SENP6: variants seen among roughly 807,000 people sequenced by gnomAD.
SENP6 encodes the protein sentrin-specific protease 6.
In SENP6, 41 loss-of-function variants were observed where a neutral mutation model predicts 134.5. The observed-to-expected ratio is 0.30, with a 90% CI of 0.24 to 0.40. SENP6 has a LOEUF of 0.40. Ranked by LOEUF, SENP6 falls within the 10% of genes least tolerant of loss-of-function variation. The pLI is 1.00. For missense variants in SENP6, 1,248 were observed against 1,312.5 expected (o/e 0.95, Z 0.76); for synonymous variants, 395 against 429.8 (o/e 0.92, Z 1.00).
chr6:75,683,741 G>A (rs112073015), intron 16 of SENP6, among the ~76,000 whole-genome samples: 2,405 of 152,194 alleles, frequency 0.016, 63 homozygotes, highest in African/African-American at 0.056. Flanking sequence ...CCTCTTTTCT[G>A]TTCCATTGGT....
chr6:75,604,194 G>A (rs1195240607), intron 1 of SENP6, among the ~76,000 whole-genome samples: 2 of 152,230 alleles, frequency 1.3e-5, no homozygotes, highest in Non-Finnish European at 2.9e-5. Flanking sequence ...CACAGATGTA[G>A]AGTTAATGTG....
At chr6:75,692,156 T>C (rs1774323351) in intron 16 of SENP6, among the ~76,000 whole-genome samples, 1 of 151,990 alleles carries the variant, frequency 6.6e-6, no homozygotes. Flanking sequence ...GCGCCTGGCC[T>C]CCCATAAGTT....
chr6:75,655,507 C>G (rs1771249716), intron 7 of SENP6, among the ~76,000 whole-genome samples: 1 of 152,118 alleles, frequency 6.6e-6, no homozygotes, highest in Non-Finnish European at 1.5e-5. Flanking sequence ...TTTTTCCTAG[C>G]ATAGATTAAT....
intron 3 of SENP6, among the ~76,000 whole-genome samples, chr6:75,628,834 C>T (rs1768896835): frequency 6.6e-6 from 1 of 152,164 alleles, no homozygotes; most frequent in African/African-American, 2.4e-5. Context: ...ATCCTACCGC[C>T]TCAGCCTCCC....
intron 21 of SENP6, among the ~76,000 whole-genome samples, chr6:75,712,500 G>A (rs1004304167): frequency 1.3e-5 from 2 of 151,924 alleles, no homozygotes; most frequent in Non-Finnish European, 2.9e-5. Context: ...AACACAGTGA[G>A]ACGCCATCTC....
At position 75,670,713 on chromosome 6, in the gene SENP6, C is replaced by A; in HGVS notation, c.1385C>A (p.Pro462His). The change falls in exon 11 of 24, where the codon CCT (proline) becomes CAT (histidine). Residue 462 changes from proline to histidine, a missense_variant. Pro to His is a moderately conservative substitution (Grantham distance 77). Around this residue, in one of 3 missense-constraint regions of SENP6, gnomAD observed 733 missense variants for 725.4 expected, o/e 1.01. Transcript: ENST00000447266. Reference sequence around the variant, plus strand: ...ACACTCTTCCGGCTGTTAATAGAGCCTGTAATTGTAAGTACATCTTAAGCT... The same window carrying A: ...ACACTCTTCCGGCTGTTAATAGAGCATGTAATTGTAAGTACATCTTAAGCT... ...VGTLFRLLIE[P>H]VIFCLDFIKI... 6.2e-7 allele frequency: 1 copy of A among 1,602,124 alleles called. No homozygotes were observed. The highest frequency in any genetic ancestry group is 8.5e-7 in the Non-Finnish European group (1 of 1,172,646).
intron 10 of SENP6, among the ~76,000 whole-genome samples, chr6:75,668,573 CT>C (rs1772428764): frequency 6.6e-6 from 1 of 152,124 alleles, no homozygotes; most frequent in Non-Finnish European, 1.5e-5. Context: ...AAATTTAAAA[CT>C]ATGATATTGT....
At chr6:75,614,173 T>C (rs1218838573) in intron 1 of SENP6, among the ~76,000 whole-genome samples, 3 of 152,202 alleles carry the variant, frequency 2.0e-5, no homozygotes, top group African/African-American at 7.2e-5. Flanking sequence ...GGGACCATGA[T>C]GTCAATTTGT....
chr6:75,706,850 A>G (rs1775434133), intron 19 of SENP6, among the ~76,000 whole-genome samples: 2 of 152,240 alleles, frequency 1.3e-5, no homozygotes, highest in Non-Finnish European at 2.9e-5. Context: ...GGAAATAACA[A>G]TGTGTGGAAT....
chr6:75,706,199 T>TGGGA (rs1775398690), intron 19 of SENP6, among the ~76,000 whole-genome samples: 1 of 151,530 alleles, frequency 6.6e-6, no homozygotes, highest in Admixed American at 6.6e-5. Flanking sequence ...GTGAGGTGGG[T>TGGGA]GGGAATGTAG....
Position 75,674,756 on chromosome 6 carries a change from T to A in SENP6, c.1393-679T>A, listed in dbSNP as rs1203319794. On this transcript the variant is annotated intron_variant, in intron 11 of 23. Coordinates refer to ENST00000447266, the MANE Select transcript of SENP6 (RefSeq NM_015571.4). ...TATTGTAGTAATTGCTAAATTTATT[T>A]TATATTTGCTTTCTCTTTTTATATT... Among the ~76,000 whole-genome samples the A allele has an allele frequency of 3.3e-5, 5 of 152,334 alleles. No individual in the cohort carries two copies. The East Asian group carries it at 5.8e-4, about 18-fold the overall frequency.
intron 1 of SENP6, among the ~76,000 whole-genome samples, chr6:75,615,537 A>C (rs1767789128): frequency 6.6e-6 from 1 of 152,162 alleles, no homozygotes; most frequent in African/African-American, 2.4e-5. Flanking sequence ...ATGATTTTCA[A>C]ATGTTTACTT....
intron 21 of SENP6, among the ~76,000 whole-genome samples, chr6:75,711,657 T>C (rs1775752165): frequency 6.6e-6 from 1 of 152,212 alleles, no homozygotes; most frequent in Non-Finnish European, 1.5e-5. Context: ...ACAAATGTTT[T>C]GTTTTGTTTA....
intron 16 of SENP6, chr6:75,679,214 GA>G (rs1562041785): frequency 3.9e-6 from 1 of 253,484 alleles, no homozygotes; most frequent in East Asian, 1.2e-4. Context: ...AAGAGTTCAC[GA>G]CCAGCCTGGG....
chr6:75,698,658 A>G (rs984027917), intron 18 of SENP6, among the ~76,000 whole-genome samples: 1 of 152,208 alleles, frequency 6.6e-6, no homozygotes, highest in African/African-American at 2.4e-5. Context: ...TTAAATTCAT[A>G]TTATCATAGT....
intron 7 of SENP6, among the ~76,000 whole-genome samples, chr6:75,649,714 A>T (rs1472934986): frequency 6.6e-6 from 1 of 152,096 alleles, no homozygotes; most frequent in Admixed American, 6.5e-5. Flanking sequence ...ACGAAGTTTC[A>T]CCATGTTGGC....
At chr6:75,684,294 T>G (rs963497671) in intron 16 of SENP6, among the ~76,000 whole-genome samples, 43 of 152,336 alleles carry the variant, frequency 2.8e-4, no homozygotes, top group African/African-American at 1.0e-3. Flanking sequence ...AAGGAGATTT[T>G]GGGCTGAGAT....
chr6:75,675,355 A>G lies in SENP6; in HGVS notation c.1393-80A>G, dbSNP rs140472765. 4 of 798,678 alleles carry G rather than the reference A, an allele frequency of 5.0e-6. No homozygotes were observed. The East Asian group carries it at 1.1e-4, about 21-fold the overall frequency. The allele number at this position is 798,678 out of a possible 1,614,324, so 49.5% of individuals were successfully genotyped here. On this transcript the variant is annotated intron_variant, in intron 11 of 23. Coordinates refer to ENST00000447266, the MANE Select transcript of SENP6 (RefSeq NM_015571.4). ...GAGATAAACGAGTAATATAAGAAACATTCTAAGTATTTGAATAAAAAAGTG... is the reference window on the plus strand; with the variant it reads ...GAGATAAACGAGTAATATAAGAAACGTTCTAAGTATTTGAATAAAAAAGTG...
intron 5 of SENP6, chr6:75,635,120 T>C (rs938564245): frequency 2.5e-6 from 1 of 399,372 alleles, no homozygotes; most frequent in Non-Finnish European, 4.8e-6. Flanking sequence ...ATATCTTCAG[T>C]TGGTAGTTTA....
Sources: allele counts gnomAD v4.1 joint callset (sites outside exome capture counted in the v4.1 genomes callset), GRCh38; gene constraint gnomAD v4.1.1; regional missense constraint gnomAD v4.1.1; transcripts MANE v1.5; gene names NCBI Gene and HGNC (gene_info 2026-07-23, HGNC 2026-07-21).